The following SYTL2 variants were observed in gnomAD, a reference collection of about 807,000 sequenced individuals.
SYTL2 encodes the protein synaptotagmin-like protein 2.
In SYTL2, 165 loss-of-function variants were observed where a neutral mutation model predicts 198.7. That is an observed-to-expected ratio of 0.83 (90% CI 0.73 to 0.94). The LOEUF is 0.94. Ranked by LOEUF, SYTL2 falls within the 40% of genes least tolerant of loss-of-function variation. The probability of loss-of-function intolerance (pLI) is 0.00; values close to 1 mark genes in which losing one functional copy is unlikely to be tolerated. For missense variants in SYTL2, 2,835 were observed against 2,582.8 expected (o/e 1.10, Z -2.12); for synonymous variants, 966 against 917.7 (o/e 1.05, Z -0.95).
At position 85,725,011 on chromosome 11, in the gene SYTL2, A is replaced by G. The variant is rs762946846; in HGVS notation, c.4347T>C (p.Tyr1449=). ...CTGATGGAGACATTTGGGCAGCTAA[A>G]TAAGATCCAACTTCATGAGTTTTAT... ...VPDKTHEVGS[Y]LAAQMSPSDQ... The change falls in exon 8 of 20, where the codon TAT becomes TAC. Residue 1449 remains tyrosine, a synonymous_variant. Coordinates refer to ENST00000359152, the MANE Select transcript of SYTL2 (RefSeq NM_206927.4). 6 of 1,614,172 alleles carry G rather than the reference A, an allele frequency of 3.7e-6. No homozygotes were observed. The highest frequency in any genetic ancestry group is 5.1e-6 in the Non-Finnish European group (6 of 1,180,010).
chr11:85,827,528 T>C, the SYTL2 span, among the ~76,000 whole-genome samples: 1 of 152,174 alleles, frequency 6.6e-6, no homozygotes, highest in Admixed American at 6.5e-5. Context: ...CTCCCCTCCA[T>C]GCTTCTTTGT....
At chr11:85,781,418 G>C (rs1168631648) in intron 1 of SYTL2, among the ~76,000 whole-genome samples, 2 of 151,966 alleles carry the variant, frequency 1.3e-5, no homozygotes, top group Non-Finnish European at 2.9e-5. Flanking sequence ...GATTAGGGTG[G>C]GGACACAGCC....
chr11:85,751,174 T>C (rs1376821872), intron 2 of SYTL2, among the ~76,000 whole-genome samples: 1 of 152,196 alleles, frequency 6.6e-6, no homozygotes, highest in Non-Finnish European at 1.5e-5. Flanking sequence ...CTTTCAAATG[T>C]AGTTAAGTGC....
intron 17 of SYTL2, among the ~76,000 whole-genome samples, chr11:85,698,762 C>T (rs1251912482): frequency 6.6e-6 from 1 of 152,200 alleles, no homozygotes; most frequent in Non-Finnish European, 1.5e-5. Flanking sequence ...TTGTCTTGAA[C>T]TCTTAAGCTC....
Position 85,705,025 on chromosome 11 carries a change from T to C in SYTL2, c.6022A>G (p.Lys2008Glu). 5.6e-6 allele frequency: 9 copies of C among 1,607,704 alleles called. No homozygotes were observed. The highest frequency in any genetic ancestry group is 6.8e-6 in the Non-Finnish European group (8 of 1,175,248). The change falls in exon 16 of 20, where the codon AAA becomes GAA. Residue 2008 changes from lysine (K) to glutamate (E), a missense_variant. Physicochemically the swap from Lys to Glu is moderately conservative, Grantham distance 56. This residue lies in a region of SYTL2 where 2,645 missense variants were observed against 2,381.7 expected (regional missense o/e 1.11). Transcript: ENST00000359152. Reference sequence around the variant, plus strand: ...GTCTTTAAGATTTGTTTTTCAATTTTATACTGAAGTTCAAAGAAGAAAATT... The same window carrying C: ...GTCTTTAAGATTTGTTTTTCAATTTCATACTGAAGTTCAAAGAAGAAAATT... ...NPVYNEILRY[K>E]IEKQILKTQK...
rs2089305663 is a variant in SYTL2, at chr11:85,727,258, A to C, written c.2100T>G (p.Phe700Leu). 2.0e-6 allele frequency: 3 copies of C among 1,535,214 alleles called. No individual in the cohort carries two copies. The highest frequency in any genetic ancestry group is 2.6e-6 in the Non-Finnish European group (3 of 1,146,684). The change falls in exon 8 of 20, where the codon TTT (phenylalanine) becomes TTG (leucine). Residue 700 changes from phenylalanine (F) to leucine (L), a missense_variant. Phe to Leu is a conservative substitution (Grantham distance 22). Transcript: ENST00000359152. Reference sequence around the variant, plus strand: ...GTCCTCTATTTTCTTCATGAGCATGAAACTTGGGTTCTTCTTCACCCAAGT... The same window carrying C: ...GTCCTCTATTTTCTTCATGAGCATGCAACTTGGGTTCTTCTTCACCCAAGT... ...IGNLGEEEPKFHAHEENRGHS... is the reference protein window; with the variant it reads ...IGNLGEEEPKLHAHEENRGHS...
the SYTL2 span, among the ~76,000 whole-genome samples, chr11:85,841,439 A>G: frequency 6.6e-6 from 1 of 152,260 alleles, no homozygotes; most frequent in African/African-American, 2.4e-5. Context: ...TCAATGGTAG[A>G]CTGGATAAAG....
At chr11:85,712,328 C>G (rs894620196) in intron 12 of SYTL2, among the ~76,000 whole-genome samples, 2 of 152,194 alleles carry the variant, frequency 1.3e-5, no homozygotes, top group African/African-American at 4.8e-5. Flanking sequence ...TCATTTCCCT[C>G]TATTTTAGCG....
At chr11:85,788,305 C>A (rs1207263020) in intron 1 of SYTL2, among the ~76,000 whole-genome samples, 2 of 152,152 alleles carry the variant, frequency 1.3e-5, no homozygotes, top group African/African-American at 4.8e-5. Context: ...ACTTTGCACG[C>A]TTTATCTTAT....
intron 9 of SYTL2, among the ~76,000 whole-genome samples, chr11:85,720,260 C>T (rs2088088231): frequency 1.3e-5 from 2 of 152,194 alleles, no homozygotes; most frequent in Non-Finnish European, 2.9e-5. Flanking sequence ...GGGACTAATT[C>T]AACTCCGTAT....
At chr11:85,761,911 G>A (rs1241464990) in intron 1 of SYTL2, among the ~76,000 whole-genome samples, 1 of 152,156 alleles carries the variant, frequency 6.6e-6, no homozygotes, top group African/African-American at 2.4e-5. Context: ...TGCCGGCCTC[G>A]GCCTCCCAAA....
chr11:85,714,346 C>G (rs552883444), intron 12 of SYTL2, 67 bp downstream of exon 12: 5 of 1,317,952 alleles, frequency 3.8e-6, no homozygotes, highest in Non-Finnish European at 5.5e-6. Flanking sequence ...TACAAACACA[C>G]CAACCTTGGC....
At chr11:85,853,020 G>A in the SYTL2 span, 27 of 311,980 alleles carry the variant, frequency 8.7e-5, no homozygotes, top group East Asian at 3.1e-4. Flanking sequence ...CCCTGCGCCC[G>A]GCAGCCACCC....
chr11:85,818,786 A>T, the SYTL2 span, among the ~76,000 whole-genome samples: 11 of 151,916 alleles, frequency 7.2e-5, no homozygotes, highest in Non-Finnish European at 1.5e-4. Flanking sequence ...GACCTCCCGA[A>T]CTCAAGCATT....
Position 85,725,351 on chromosome 11 carries a change from T to A in SYTL2, c.4007A>T (p.Asp1336Val), listed in dbSNP as rs556669. The change falls in exon 8 of 20, where the codon GAT becomes GTT. Residue 1336 changes from aspartate to valine, a missense_variant. Transcript: ENST00000359152. ...CCTAGCCTGGGGAACAAGATGAGCA[T>A]CCTGGGGAAAAAGCATATCTTGGGG... ...SPPQDMLFPQ[D>V]AHLVPQARVH... 2 of 1,613,728 alleles carry A rather than the reference T, an allele frequency of 1.2e-6. No individual in the cohort carries two copies. Among genetic ancestry groups the A allele is most frequent in the Admixed American group, 3.3e-5 (2 of 59,992 alleles).
intron 1 of SYTL2, among the ~76,000 whole-genome samples, chr11:85,795,547 G>A (rs1044023873): frequency 1.3e-4 from 20 of 151,840 alleles, no homozygotes; most frequent in Admixed American, 9.8e-4. Flanking sequence ...GCCCAAGGCC[G>A]TGTTTTTTGT....
the SYTL2 span, among the ~76,000 whole-genome samples, chr11:85,836,735 C>T: frequency 6.6e-6 from 1 of 151,868 alleles, no homozygotes. Flanking sequence ...AAATATATTA[C>T]ATATTATATT....
At chr11:85,742,397 T>C (rs1476379600) in intron 4 of SYTL2, among the ~76,000 whole-genome samples, 2 of 152,190 alleles carry the variant, frequency 1.3e-5, no homozygotes, top group East Asian at 1.9e-4. Context: ...CTGACCTTCA[T>C]GGGATGAGTC....
intron 1 of SYTL2, among the ~76,000 whole-genome samples, chr11:85,769,040 A>T (rs117710774): frequency 0.019 from 2,914 of 152,296 alleles, 56 homozygotes; most frequent in Admixed American, 0.036. Context: ...AAGATCATTA[A>T]GAAAAAAAGC....
Sources: allele counts gnomAD v4.1 joint callset (sites outside exome capture counted in the v4.1 genomes callset), GRCh38; gene constraint gnomAD v4.1.1; regional missense constraint gnomAD v4.1.1; transcripts MANE v1.5; gene names NCBI Gene and HGNC (gene_info 2026-07-23, HGNC 2026-07-21).